RYR2: variants seen among roughly 807,000 people sequenced by gnomAD.
RYR2 encodes ryanodine receptor 2.
RYR2 carries 227 observed loss-of-function variants against 601.1 expected under a neutral mutation model. That is an observed-to-expected ratio of 0.38 (90% confidence interval 0.34 to 0.42). RYR2 has a LOEUF of 0.42. RYR2 is among the 10% of genes least tolerant of loss of function. RYR2 has a pLI of 1.00. For missense variants in RYR2, 4,646 were observed against 6,156.5 expected (o/e 0.75, Z 8.21); for synonymous variants, 2,223 against 2,175.1 (o/e 1.02, Z -0.61).
chr1:237,334,155 G>C (rs992798391), intron 3 of RYR2, among the ~76,000 whole-genome samples: 1 of 152,070 alleles, frequency 6.6e-6, no homozygotes, highest in Non-Finnish European at 1.5e-5. Context: ...CATTTTGCTA[G>C]TATTCTTGGG....
At chr1:237,635,101 A>G (rs1290045367) in intron 44 of RYR2, 109 bp downstream of exon 44, 2 of 800,136 alleles carry the variant, frequency 2.5e-6, no homozygotes, top group Admixed American at 3.4e-5. Flanking sequence ...TGGTTTTGCA[A>G]TGTGACATTA....
intron 1 of RYR2, among the ~76,000 whole-genome samples, chr1:237,082,305 G>A (rs6671143): frequency 0.058 from 8,287 of 142,766 alleles, 771 homozygotes; most frequent in African/African-American, 0.24. Context: ...CACTAAGCAT[G>A]ACTCTATTCT....
In RYR2 at chr1:237,660,990, G is replaced by A. The variant is rs1046835238; in HGVS notation, c.8436+43G>A. 286 of 1,272,602 alleles carry A rather than the reference G, an allele frequency of 2.2e-4. 1 individual carries two copies. The highest frequency in any genetic ancestry group is 2.7e-4 in the Non-Finnish European group (274 of 997,694). The allele number at this position is 1,272,602 out of a possible 1,614,324, so 78.8% of individuals were successfully genotyped here. Reference sequence around the variant, plus strand: ...TGATGAATCAACTGTTTATGTTATGGATTAAATAATTTTTTAAATTTAATT... The same window carrying A: ...TGATGAATCAACTGTTTATGTTATGAATTAAATAATTTTTTAAATTTAATT... On this transcript the variant is annotated intron_variant, in intron 56 of 104. Coordinates refer to ENST00000366574, the MANE Select transcript of RYR2 (RefSeq NM_001035.3).
At chr1:237,532,057 T>C (rs1041863541) in intron 25 of RYR2, among the ~76,000 whole-genome samples, 4 of 152,164 alleles carry the variant, frequency 2.6e-5, no homozygotes, top group African/African-American at 9.6e-5. Context: ...TGTATCTAAA[T>C]TGAATTTTTA....
chr1:237,795,545 A>G (rs1000854939), intron 96 of RYR2, among the ~76,000 whole-genome samples: 6 of 151,562 alleles, frequency 4.0e-5, no homozygotes, highest in African/African-American at 7.3e-5. Flanking sequence ...TCAGCTGCCC[A>G]GTTCAAGCAA....
At position 237,639,150 on chromosome 1, in the gene RYR2, A is replaced by T; in HGVS notation, c.7064A>T (p.Glu2355Val). The T allele has an allele frequency of 6.2e-7, 1 of 1,613,944 alleles. No homozygotes were observed. Among genetic ancestry groups the T allele is most frequent in the Non-Finnish European group, 8.5e-7 (1 of 1,179,866 alleles). ...ATGGAAGAAGCCATCAAAATCGCCG[A>T]GGATCCTTCCCGAGATGGTCCCTCA... ...AAMEEAIKIA[E>V]DPSRDGPSPN... is the part of the protein sequence containing the mutation. The change falls in exon 46 of 105, where the codon GAG (glutamate) becomes GTG (valine). Residue 2355 changes from glutamate to valine, a missense_variant. Physicochemically the swap from Glu to Val is moderately radical, Grantham distance 121. This residue lies in a region of RYR2 where 1,497 missense variants were observed against 1,842.6 expected (regional missense o/e 0.81). Transcript: ENST00000366574.
rs1060500161 is a variant in RYR2 at position 237,784,899 on chromosome 1, A to G, written c.13187A>G (p.His4396Arg). 2 of 1,612,318 alleles carry G rather than the reference A, an allele frequency of 1.2e-6. No homozygotes were observed. The highest frequency in any genetic ancestry group is 1.7e-6 in the Non-Finnish European group (2 of 1,179,132). Reference protein sequence around the residue: ...REGGQYKLIPHNPNAGLSDLM... With the variant: ...REGGQYKLIPRNPNAGLSDLM... ...GGAGGACAGTACAAACTGATTCCTC[A>G]TAATCCAAATGCTGGGCTCAGTGAC... Residue 4396 changes from histidine to arginine, a missense_variant, in exon 90 of 105, where the codon CAT becomes CGT. Physicochemically the swap from His to Arg is conservative, Grantham distance 29. Transcript: ENST00000366574. The surrounding 1 kb of genome is among the most constrained non-coding windows in gnomAD (Gnocchi z 7.1).
At chr1:237,654,453 A>G in intron 52 of RYR2, 39 bp downstream of exon 52, 1 of 1,604,738 alleles carries the variant, frequency 6.2e-7, no homozygotes, top group Non-Finnish European at 8.5e-7. Context: ...TATCAATAAA[A>G]TGGTATAGAG....
At chr1:237,231,803 C>G (rs934586545) in intron 1 of RYR2, among the ~76,000 whole-genome samples, 1 of 152,086 alleles carries the variant, frequency 6.6e-6, no homozygotes, top group Non-Finnish European at 1.5e-5. Context: ...TTTCCACTTC[C>G]CTACTCCCAC....
At chr1:237,380,395 T>TTGTAA (rs1701391460) in intron 8 of RYR2, among the ~76,000 whole-genome samples, 3 of 36,162 alleles carry the variant, frequency 8.3e-5, no homozygotes, top group African/African-American at 2.9e-4. Flanking sequence ...TATATATATA[T>TTGTAA]ATATATATAT....
chr1:237,510,741 C>T (rs552331840), intron 23 of RYR2, among the ~76,000 whole-genome samples: 5 of 152,288 alleles, frequency 3.3e-5, no homozygotes, highest in Admixed American at 6.5e-5. Flanking sequence ...GGTGCTGCCA[C>T]GGCGTTAATG....
intron 66 of RYR2, among the ~76,000 whole-genome samples, chr1:237,702,846 G>C (rs1480719369): frequency 6.6e-6 from 1 of 151,988 alleles, no homozygotes; most frequent in African/African-American, 2.4e-5. Flanking sequence ...AGCTACAGTA[G>C]TTAAAATAGG....
chr1:237,405,980 C>T (rs1703828771), intron 10 of RYR2, among the ~76,000 whole-genome samples: 1 of 151,462 alleles, frequency 6.6e-6, no homozygotes, highest in African/African-American at 2.4e-5. Context: ...CATTCTACTT[C>T]ATGATTCTGC....
At chr1:237,694,187 G>A (rs545128010) in intron 63 of RYR2, among the ~76,000 whole-genome samples, 3 of 151,686 alleles carry the variant, frequency 2.0e-5, no homozygotes, top group South Asian at 2.1e-4. Flanking sequence ...CCAGCTACTC[G>A]GGAGGCTGAG....
chr1:237,065,225 A>G (rs1457575913), intron 1 of RYR2, among the ~76,000 whole-genome samples: 1 of 151,102 alleles, frequency 6.6e-6, no homozygotes, highest in Non-Finnish European at 1.5e-5. Flanking sequence ...ACTGCAATCA[A>G]GATACAGAAC....
At chr1:237,662,990 G>A (rs521707) in intron 56 of RYR2, among the ~76,000 whole-genome samples, 152,161 of 152,350 alleles carry the variant, frequency 1, 75,987 homozygotes, top group Middle Eastern at 1. Flanking sequence ...GAGGGCATTT[G>A]TTGAGAGCAT....
At chr1:237,310,983 A>G (rs1035524393) in intron 2 of RYR2, among the ~76,000 whole-genome samples, 4 of 152,222 alleles carry the variant, frequency 2.6e-5, no homozygotes, top group Non-Finnish European at 4.4e-5. Flanking sequence ...TCAATTTAGT[A>G]GGTATCTATC....
intron 24 of RYR2, among the ~76,000 whole-genome samples, chr1:237,517,837 C>T (rs1666709148): frequency 6.6e-6 from 1 of 151,990 alleles, no homozygotes; most frequent in Non-Finnish European, 1.5e-5. Flanking sequence ...TTTAAATTCA[C>T]AATCATGTAC....
At chr1:237,562,112 A>G (rs1440895414) in intron 27 of RYR2, among the ~76,000 whole-genome samples, 1 of 152,222 alleles carries the variant, frequency 6.6e-6, no homozygotes, top group African/African-American at 2.4e-5. Flanking sequence ...GAATGCTTAC[A>G]TATTCCAGAT....
Sources: allele counts gnomAD v4.1 joint callset (sites outside exome capture counted in the v4.1 genomes callset), GRCh38; gene constraint gnomAD v4.1.1; regional missense constraint gnomAD v4.1.1; non-coding constraint Gnocchi (gnomAD v3.1); transcripts MANE v1.5; gene names NCBI Gene and HGNC (gene_info 2026-07-23, HGNC 2026-07-21).